The following VAV2 variants were observed in gnomAD, a reference collection of about 807,000 sequenced individuals.
VAV2 encodes guanine nucleotide exchange factor VAV2.
Under a neutral mutation model 132.5 loss-of-function variants are expected in VAV2, and 67 were observed. The observed-to-expected ratio is 0.51, with a 90% CI of 0.42 to 0.62. The LOEUF (loss-of-function observed/expected upper bound fraction) is 0.62, where lower values mean the gene tolerates loss of function less well. Among genes scored for constraint, VAV2 ranks in the 20% least tolerant of loss-of-function variants. The pLI is 0.00. For synonymous variants in VAV2, 492 were observed against 443.5 expected, an observed-to-expected ratio of 1.11 and a Z score of -1.37; for missense variants, 938 against 1,153.6, an observed-to-expected ratio of 0.81 and a Z score of 2.71.
chr9:133,970,162 G>A (rs548515248), intron 1 of VAV2, among the ~76,000 whole-genome samples: 7 of 152,228 alleles, frequency 4.6e-5, no homozygotes, highest in South Asian at 2.1e-4. Flanking sequence ...AGGAGAGACC[G>A]AGTCTCAACC....
chr9:133,827,701 C>T lies in VAV2; in HGVS notation c.449+6571G>A, dbSNP rs111686686. Among the ~76,000 whole-genome samples the T allele has an allele frequency of 4.5e-3, 173 of 38,306 alleles. 7 individuals carry two copies. Among genetic ancestry groups the T allele is most frequent in the Non-Finnish European group, 0.013 (116 of 9,152 alleles). 25.1% of individuals were successfully genotyped at this position (38,306 alleles called of 152,430 possible). ...ACTGAGCACGGGCATCGCCAGCTACCGCTGCGCCCACTGGGGCTGACCACT... is the reference window on the plus strand; with the variant it reads ...ACTGAGCACGGGCATCGCCAGCTACTGCTGCGCCCACTGGGGCTGACCACT... On this transcript the variant is annotated intron_variant, in intron 4 of 29. Coordinates refer to ENST00000371850, the MANE Select transcript of VAV2 (RefSeq NM_001134398.2).
At chr9:133,797,021 G>A (rs566495546) in intron 10 of VAV2, among the ~76,000 whole-genome samples, 8 of 152,152 alleles carry the variant, frequency 5.3e-5, no homozygotes, top group Non-Finnish European at 1.0e-4. Context: ...GGGGGGCATC[G>A]TGCATCTCTA....
At chr9:133,888,320 G>A (rs1348804209) in intron 2 of VAV2, among the ~76,000 whole-genome samples, 2 of 152,180 alleles carry the variant, frequency 1.3e-5, no homozygotes, top group African/African-American at 2.4e-5. Context: ...CAGAGCCACC[G>A]ACCTGTGCCC....
At chr9:133,780,790 G>T (rs375788264) in intron 19 of VAV2, 80 bp from the exon 20 acceptor site, 2 of 1,246,196 alleles carry the variant, frequency 1.6e-6, no homozygotes, top group Non-Finnish European at 2.0e-6. Flanking sequence ...ACACCGCCCC[G>T]AGCCTCTGGG....
chr9:133,781,342 C>G (rs990484096), intron 19 of VAV2, among the ~76,000 whole-genome samples: 2 of 152,230 alleles, frequency 1.3e-5, no homozygotes, highest in Non-Finnish European at 1.5e-5. Flanking sequence ...CCAGAGGAGG[C>G]AAGGAGGAAA....
At chr9:133,820,832 C>T (rs1223103694) in intron 4 of VAV2, among the ~76,000 whole-genome samples, 2 of 152,148 alleles carry the variant, frequency 1.3e-5, no homozygotes, top group Non-Finnish European at 2.9e-5. Flanking sequence ...CCTGGGAGTA[C>T]AGGGCAGTGA....
chr9:133,937,517 C>T (rs113315797), intron 2 of VAV2, among the ~76,000 whole-genome samples: 136 of 106,356 alleles, frequency 1.3e-3, no homozygotes, highest in African/African-American at 2.8e-3. Context: ...AGTGTGTGTG[C>T]GCGTGTGAGA....
chr9:133,865,261 G>A (rs911020212), intron 2 of VAV2, among the ~76,000 whole-genome samples: 3 of 152,148 alleles, frequency 2.0e-5, no homozygotes, highest in Non-Finnish European at 4.4e-5. Flanking sequence ...ATTCACTGTA[G>A]GACAATCACC....
chr9:133,822,197 C>T (rs1835815504), intron 4 of VAV2, among the ~76,000 whole-genome samples: 1 of 152,218 alleles, frequency 6.6e-6, no homozygotes, highest in Non-Finnish European at 1.5e-5. Flanking sequence ...TGCTTTCTGC[C>T]CCTGGTGAGC....
intron 2 of VAV2, among the ~76,000 whole-genome samples, chr9:133,892,051 G>A (rs1203490323): frequency 3.3e-5 from 4 of 122,272 alleles, no homozygotes; most frequent in Non-Finnish European, 5.1e-5. Context: ...GTGGGGAGAC[G>A]AAAGGGATGA....
chr9:133,936,265 CAG>C (rs1488540432), intron 2 of VAV2, among the ~76,000 whole-genome samples: 1 of 134,004 alleles, frequency 7.5e-6, no homozygotes, highest in Non-Finnish European at 1.6e-5. Flanking sequence ...TTTTTTAAGA[CAG>C]AGTCTCACTC....
At chr9:133,964,805 A>G (rs1160903655) in intron 1 of VAV2, among the ~76,000 whole-genome samples, 1 of 152,232 alleles carries the variant, frequency 6.6e-6, no homozygotes, top group Non-Finnish European at 1.5e-5. Flanking sequence ...AAATCTAGGT[A>G]CAGAAGGAGC....
chr9:133,845,772 C>T lies in VAV2; in HGVS notation c.381-11432G>A, dbSNP rs564292134. Among the ~76,000 whole-genome samples the T allele has an allele frequency of 7.2e-5, 11 of 152,348 alleles. No homozygotes were observed. The South Asian group carries it at 1.7e-3, about 23-fold the overall frequency. On this transcript the variant is annotated intron_variant, in intron 3 of 29. Transcript: ENST00000371850. ...CTCTCTGAGTCCACTGGGATGGACACACTCCAGGTGGCTGATGGATTTATC... is the reference window on the plus strand; with the variant it reads ...CTCTCTGAGTCCACTGGGATGGACATACTCCAGGTGGCTGATGGATTTATC...
intron 2 of VAV2, among the ~76,000 whole-genome samples, chr9:133,876,316 C>A (rs1479761102): frequency 6.6e-6 from 1 of 152,276 alleles, no homozygotes; most frequent in African/African-American, 2.4e-5. Context: ...GCACGCCCTG[C>A]TCCCACGCCC....
chr9:133,938,081 C>A (rs77413311), intron 2 of VAV2, among the ~76,000 whole-genome samples: 3,172 of 152,348 alleles, frequency 0.021, 101 homozygotes, highest in African/African-American at 0.072. Flanking sequence ...AACCCAAATT[C>A]CCTCTGCGCC....
chr9:133,968,965 T>C (rs1167979397), intron 1 of VAV2, among the ~76,000 whole-genome samples: 3 of 151,914 alleles, frequency 2.0e-5, no homozygotes, highest in Non-Finnish European at 4.4e-5. Flanking sequence ...CCCCCAAAAA[T>C]CAATCTAAGG....
rs1209860555 is a variant in VAV2, at chr9:133,763,224, C to T, written c.*838G>A. On this transcript the variant is annotated 3_prime_UTR_variant, in exon 30 of 30. Transcript: ENST00000371850. This position sits in a 1 kb window ranked among gnomAD's most constrained non-coding sequence, Gnocchi z 6.8. ...AGAGGGGAAATCCCTGTTTTCTTCC[C>T]TGCCCATTTCAGGGTTTTTACAAAA... The T allele has an allele frequency of 6.6e-6, 1 of 152,270 alleles. No homozygotes were observed. 9.4% of individuals were successfully genotyped at this position (152,270 alleles called of 1,614,324 possible).
chr9:133,966,032 G>C (rs1401521404), intron 1 of VAV2, among the ~76,000 whole-genome samples: 1 of 152,176 alleles, frequency 6.6e-6, no homozygotes, highest in Non-Finnish European at 1.5e-5. Flanking sequence ...ATTCAGTGGG[G>C]AAAGAACAAT....
At chr9:133,776,879 A>T (rs1317057346) in intron 23 of VAV2, among the ~76,000 whole-genome samples, 1 of 152,172 alleles carries the variant, frequency 6.6e-6, no homozygotes, top group Non-Finnish European at 1.5e-5. Context: ...GAGGTGGGGT[A>T]ACTCATTTAC....
Sources: allele counts gnomAD v4.1 joint callset (sites outside exome capture counted in the v4.1 genomes callset), GRCh38; gene constraint gnomAD v4.1.1; non-coding constraint Gnocchi (gnomAD v3.1); transcripts MANE v1.5; gene names NCBI Gene and HGNC (gene_info 2026-07-23, HGNC 2026-07-21).